The following PPP2R5D variants were observed in gnomAD, a reference collection of about 807,000 sequenced individuals.
The protein encoded by PPP2R5D is protein phosphatase 2 regulatory subunit B'delta, also known as serine/threonine-protein phosphatase 2A 56 kDa regulatory subunit delta isoform.
PPP2R5D carries 12 observed loss-of-function variants against 79.1 expected under a neutral mutation model. That is an observed-to-expected ratio of 0.15 (90% CI 0.10 to 0.25). PPP2R5D has a LOEUF of 0.25. Ranked by LOEUF, PPP2R5D falls within the 10% of genes least tolerant of loss-of-function variation. The pLI is 1.00. For synonymous variants in PPP2R5D, 277 were observed against 286.6 expected (o/e 0.97, Z 0.34); for missense variants, 419 against 760.2 (o/e 0.55, Z 5.28).
At chr6:42,990,698 A>C (rs1581801996) in intron 2 of PPP2R5D, among the ~76,000 whole-genome samples, 1 of 86,956 alleles carries the variant, frequency 1.2e-5, no homozygotes, top group African/African-American at 4.9e-5. Flanking sequence ...GCAGTATTCT[A>C]CTTTTTTTTT....
At position 43,006,888 on chromosome 6, in the gene PPP2R5D, C is replaced by A; in HGVS notation, c.323-23C>A. The A allele has an allele frequency of 6.2e-7, 1 of 1,613,106 alleles. No individual in the cohort carries two copies. The highest frequency in any genetic ancestry group is 1.1e-5 in the South Asian group (1 of 91,042). On this transcript the variant is annotated intron_variant, in intron 3 of 15. Transcript: ENST00000485511. This position sits in a 1 kb window ranked among gnomAD's most constrained non-coding sequence, Gnocchi z 4.7. ...CGCAGTGAAGGACTACAGAGGAGAA[C>A]CTGACTGCTGGGGCCCCCACAGATT...
intron 2 of PPP2R5D, among the ~76,000 whole-genome samples, chr6:42,992,351 G>A (rs186655783): frequency 1.1e-3 from 170 of 152,196 alleles, no homozygotes; most frequent in African/African-American, 3.4e-3. Context: ...GAGCCACCGC[G>A]CCCGGCCCCC....
Position 43,004,492 on chromosome 6 carries a change from C to CTCA in PPP2R5D, c.106-1970_106-1969insCAT, listed in dbSNP as rs1581845133. Among the ~76,000 whole-genome samples the CTCA allele has an allele frequency of 2.0e-5, 3 of 151,074 alleles. No individual in the cohort carries two copies. The East Asian group carries it at 5.8e-4, about 29-fold the overall frequency. On this transcript the variant is annotated intron_variant, in intron 2 of 15. Coordinates refer to ENST00000485511, the MANE Select transcript of PPP2R5D (RefSeq NM_006245.4). ...TCTTAGCTCTTTCCTCATTAGATTC[C>CTCA]TTTAGATTTTCACATTAGATTCTTT...
At position 43,010,215 on chromosome 6, in the gene PPP2R5D, TAGGC is replaced by T. The variant is rs1762285313; in HGVS notation, c.1380-248_1380-245del. 6.6e-6 allele frequency among the ~76,000 whole-genome samples: 1 copy of T among 151,888 alleles called. No homozygotes were observed. The highest frequency in any genetic ancestry group is 1.5e-5 in the Non-Finnish European group (1 of 67,992). On this transcript the variant is annotated intron_variant, in intron 12 of 15. Transcript: ENST00000485511. The surrounding 1 kb of genome is among the most constrained non-coding windows in gnomAD (Gnocchi z 4.7). ...GGTTAGAGTGGGAAAGGATGGGAGG[TAGGC>T]AGGCCTTGGAGCATGGGGTGAGGGA... is the stretch of plus-strand genomic sequence containing the variant.
intron 2 of PPP2R5D, among the ~76,000 whole-genome samples, chr6:43,003,632 C>A (rs1246513801): frequency 2.0e-5 from 3 of 152,050 alleles, no homozygotes; most frequent in African/African-American, 4.8e-5. Flanking sequence ...CTTGTTCTTA[C>A]CTTTTCTGAA....
At chr6:42,996,919 G>T (rs2150261095) in intron 2 of PPP2R5D, among the ~76,000 whole-genome samples, 1 of 152,188 alleles carries the variant, frequency 6.6e-6, no homozygotes. Context: ...TTTAATCTTT[G>T]CATTTTTTCT....
rs1209310796 is a variant in PPP2R5D at position 43,011,616 on chromosome 6, C to T, written c.*330C>T. 2.9e-6 allele frequency: 1 copy of T among 347,414 alleles called. No homozygotes were observed. The highest frequency in any genetic ancestry group is 5.4e-6 in the Non-Finnish European group (1 of 186,720). The allele number at this position is 347,414 out of a possible 1,614,324, so 21.5% of individuals were successfully genotyped here. On this transcript the variant is annotated 3_prime_UTR_variant, in exon 16 of 16. Coordinates refer to ENST00000485511, the MANE Select transcript of PPP2R5D (RefSeq NM_006245.4). ...AAGTACACACAGGAATACATACGCT[C>T]CTCTATTCTTCCCTTCATCCTCATT...
intron 1 of PPP2R5D, among the ~76,000 whole-genome samples, chr6:42,989,181 G>A (rs1037444405): frequency 2.3e-4 from 35 of 152,310 alleles, no homozygotes; most frequent in African/African-American, 7.5e-4. Flanking sequence ...GTGGCTGTGA[G>A]GGGAGAGTGG....
At position 42,992,571 on chromosome 6, in the gene PPP2R5D, T is replaced by TG. The variant is rs1460581226; in HGVS notation, c.105+2886dup. On this transcript the variant is annotated intron_variant, in intron 2 of 15. Transcript: ENST00000485511. The stretch of plus-strand genomic sequence containing the variant: ...GCTCACACCTGTAATCCTAATGCTT[T>TG]GGGAAGCTGAGGTGGGAGAATTGCT... Among the ~76,000 whole-genome samples, 20 of 152,238 alleles carry TG rather than the reference T, an allele frequency of 1.3e-4. 1 individual carries two copies. The Middle Eastern group carries it at 0.034, about 259-fold the overall frequency.
At chr6:42,989,544 G>T in intron 1 of PPP2R5D, 67 bp from the exon 2 acceptor site, 1 of 1,315,386 alleles carries the variant, frequency 7.6e-7, no homozygotes, top group South Asian at 1.3e-5. Context: ...AAAGATCTAA[G>T]GGAGCCAGAT....
chr6:42,995,376 T>A (rs1771584226), intron 2 of PPP2R5D, among the ~76,000 whole-genome samples: 1 of 152,028 alleles, frequency 6.6e-6, no homozygotes, highest in African/African-American at 2.4e-5. Context: ...GAAGCAATCC[T>A]CCTGCCTTGG....
rs1054364102 is a variant in PPP2R5D, at chr6:42,984,608, C to G, written c.-70C>G. 6.5e-7 allele frequency: 1 copy of G among 1,534,280 alleles called. No individual in the cohort carries two copies. Among genetic ancestry groups the G allele is most frequent in the Non-Finnish European group, 8.8e-7 (1 of 1,141,380 alleles). On this transcript the variant is annotated 5_prime_UTR_variant, in exon 1 of 16. Transcript: ENST00000485511. ...GGTGGCGAAGAGACGCCGAGCGGGCCGAGTGCGGCCGAGCAAAGCCGGAGC... is the reference window on the plus strand; with the variant it reads ...GGTGGCGAAGAGACGCCGAGCGGGCGGAGTGCGGCCGAGCAAAGCCGGAGC...
Position 43,007,626 on chromosome 6 carries a change from G to T in PPP2R5D, c.726+120G>T. Reference sequence around the variant, plus strand: ...TGGGTTTCATCCATGTCTGGTACGAGGAGGCTATAAAGGGTAAAAAACAAA... The same window carrying T: ...TGGGTTTCATCCATGTCTGGTACGATGAGGCTATAAAGGGTAAAAAACAAA... On this transcript the variant is annotated intron_variant, in intron 6 of 15. Transcript: ENST00000485511. This position sits in a 1 kb window ranked among gnomAD's most constrained non-coding sequence, Gnocchi z 4.5. 1 of 1,057,296 alleles carries T rather than the reference G, an allele frequency of 9.5e-7. No homozygotes were observed. Among genetic ancestry groups the T allele is most frequent in the Non-Finnish European group, 1.4e-6 (1 of 702,050 alleles). 65.5% of individuals were successfully genotyped at this position (1,057,296 alleles called of 1,614,324 possible).
In PPP2R5D at chr6:43,011,397, A is replaced by G; in HGVS notation, c.*111A>G. 7.1e-7 allele frequency: 1 copy of G among 1,412,002 alleles called. No homozygotes were observed. The highest frequency in any genetic ancestry group is 2.4e-5 in the East Asian group (1 of 41,350). The allele number at this position is 1,412,002 out of a possible 1,614,324, so 87.5% of individuals were successfully genotyped here. ...TCTTGGGGGAAGGCAGCGCCTCTCT[A>G]GCTACTCAAGGGAGGGGGATGTGGG... On this transcript the variant is annotated 3_prime_UTR_variant, in exon 16 of 16. Coordinates refer to ENST00000485511, the MANE Select transcript of PPP2R5D (RefSeq NM_006245.4).
At position 43,011,214 on chromosome 6, in the gene PPP2R5D, G is replaced by A; in HGVS notation, c.1737G>A (p.Val579=). The A allele has an allele frequency of 6.2e-7, 1 of 1,614,144 alleles. No homozygotes were observed. Among genetic ancestry groups the A allele is most frequent in the Non-Finnish European group, 8.5e-7 (1 of 1,180,020 alleles). The change falls in exon 16 of 16, where the codon GTG becomes GTA. Residue 579 remains valine (V), a synonymous_variant. Coordinates refer to ENST00000485511, the MANE Select transcript of PPP2R5D (RefSeq NM_006245.4). ...LRRKSELPQD[V]YTIKALEAHK... is the part of the protein sequence containing the mutation. ...GGAAGTCGGAGCTGCCCCAGGACGT[G>A]TACACCATCAAGGCACTGGAGGCGC...
chr6:43,007,594 A>C lies in PPP2R5D; in HGVS notation c.726+88A>C. 1 of 1,280,124 alleles carries C rather than the reference A, an allele frequency of 7.8e-7. No homozygotes were observed. Among genetic ancestry groups the C allele is most frequent in the Non-Finnish European group, 1.1e-6 (1 of 882,906 alleles). 79.3% of individuals were successfully genotyped at this position (1,280,124 alleles called of 1,614,324 possible). ...CCAGTGGCTCTTTCCCCTTAAGCTG[A>C]ATATATTGGGTTTCATCCATGTCTG... On this transcript the variant is annotated intron_variant, in intron 6 of 15. Transcript: ENST00000485511. This position sits in a 1 kb window ranked among gnomAD's most constrained non-coding sequence, Gnocchi z 4.5.
chr6:43,008,844 GCTGTGAC>G lies in PPP2R5D; in HGVS notation c.1080+102_1080+108del. On this transcript the variant is annotated intron_variant, in intron 10 of 15. Coordinates refer to ENST00000485511, the MANE Select transcript of PPP2R5D (RefSeq NM_006245.4). The surrounding 1 kb of genome is among the most constrained non-coding windows in gnomAD (Gnocchi z 4.2). The stretch of plus-strand genomic sequence containing the variant: ...GTGCCATAAGGGGGAACTCAGGAGG[GCTGTGAC>G]CTGACCGGTAACATGGTTTCCTCTC... 2 of 1,387,250 alleles carry G rather than the reference GCTGTGAC, an allele frequency of 1.4e-6. No individual in the cohort carries two copies. 85.9% of individuals were successfully genotyped at this position (1,387,250 alleles called of 1,614,324 possible).
Position 42,989,603 on chromosome 6 carries a change from C to T in PPP2R5D, c.28-8C>T, listed in dbSNP as rs1327869943. The T allele has an allele frequency of 6.2e-7, 1 of 1,610,106 alleles. No individual in the cohort carries two copies. The highest frequency in any genetic ancestry group is 1.7e-5 in the Admixed American group (1 of 59,802). On this transcript the variant is annotated splice_region_variant and splice_polypyrimidine_tract_variant and intron_variant, in intron 1 of 15. Coordinates refer to ENST00000485511, the MANE Select transcript of PPP2R5D (RefSeq NM_006245.4). ...TCTGCTAACTTTACTTTCATCTTTT[C>T]CTTTCAGGAGCCCCCCAAGGTTGCC...
chr6:43,006,427 G>C lies in PPP2R5D; in HGVS notation c.106-36G>C, dbSNP rs1762081877. 2 of 1,605,786 alleles carry C rather than the reference G, an allele frequency of 1.2e-6. No homozygotes were observed. Among genetic ancestry groups the C allele is most frequent in the Non-Finnish European group, 1.7e-6 (2 of 1,176,340 alleles). On this transcript the variant is annotated intron_variant, in intron 2 of 15. Coordinates refer to ENST00000485511, the MANE Select transcript of PPP2R5D (RefSeq NM_006245.4). This position sits in a 1 kb window ranked among gnomAD's most constrained non-coding sequence, Gnocchi z 4.7. ...AGGCCCAGGGTGGGAGGCATATCTT[G>C]GGAAGTGGATTTCAACAGGTGACTT...
Sources: gnomAD v4.1 joint callset for allele counts (sites outside exome capture counted in the v4.1 genomes callset) on GRCh38, gnomAD v4.1.1 for gene constraint, Gnocchi (gnomAD v3.1) non-coding constraint, MANE v1.5 for transcripts, NCBI Gene and HGNC (gene_info 2026-07-23, HGNC 2026-07-21) for gene names.